The following TMEM132B variants were observed in gnomAD, a reference collection of about 807,000 sequenced individuals.
TMEM132B encodes transmembrane protein 132B.
In TMEM132B, 18 loss-of-function variants were observed where a neutral mutation model predicts 90.8. That is an observed-to-expected ratio of 0.20 (90% confidence interval 0.14 to 0.29). The LOEUF is 0.29. Ranked by LOEUF, TMEM132B falls within the 10% of genes least tolerant of loss-of-function variation. The probability of loss-of-function intolerance (pLI) is 1.00; values close to 1 mark genes in which losing one functional copy is unlikely to be tolerated. For synonymous variants in TMEM132B, 504 were observed against 523.3 expected (o/e 0.96, Z 0.50); for missense variants, 1,096 against 1,326.8 (o/e 0.83, Z 2.70).
chr12:125,446,285 G>T (rs968081140), intron 3 of TMEM132B, among the ~76,000 whole-genome samples: 11 of 152,186 alleles, frequency 7.2e-5, no homozygotes, highest in African/African-American at 2.7e-4. Context: ...GGTGCTCAAT[G>T]AATGCTAGTT....
At position 125,487,588 on chromosome 12, in the gene TMEM132B, A is replaced by T. The variant is rs548108264; in HGVS notation, c.1107-31851A>T. ...GAAGTTTCCATGGAAACCCTGGAAG[A>T]TCTCACAAGATGTTTTCAAAGGCCA... is the stretch of plus-strand genomic sequence containing the variant. On this transcript the variant is annotated intron_variant, in intron 3 of 8. Transcript: ENST00000682704. 2.0e-5 allele frequency among the ~76,000 whole-genome samples: 3 copies of T among 152,292 alleles called. No individual in the cohort carries two copies. In the South Asian group the frequency reaches 6.2e-4, roughly 32 times the overall value.
At chr12:125,515,481 TCACA>T (rs757426558) in intron 3 of TMEM132B, among the ~76,000 whole-genome samples, 1 of 81,462 alleles carries the variant, frequency 1.2e-5, no homozygotes, top group African/African-American at 1.8e-4. Context: ...TCACACATTG[TCACA>T]CTCACACACA....
At chr12:125,502,654 T>G (rs1882731023) in intron 3 of TMEM132B, among the ~76,000 whole-genome samples, 1 of 152,376 alleles carries the variant, frequency 6.6e-6, no homozygotes, top group African/African-American at 2.4e-5. Flanking sequence ...AATTCATGAT[T>G]GAATAGTTGC....
rs771264018 is a variant in TMEM132B, at chr12:125,652,536, A to G, written c.2010A>G (p.Val670=). 3 of 1,613,864 alleles carry G rather than the reference A, an allele frequency of 1.9e-6. No individual in the cohort carries two copies. Among genetic ancestry groups the G allele is most frequent in the Non-Finnish European group, 2.5e-6 (3 of 1,179,820 alleles). Residue 670 remains valine (V), a synonymous_variant, in exon 8 of 9, where the codon GTA becomes GTG. Coordinates refer to ENST00000682704, the MANE Select transcript of TMEM132B (RefSeq NM_001366854.1). ...VTIAELGVQL[V]AGMSLSLQPH... is the part of the protein sequence containing the mutation. ...TCGCGGAGCTGGGAGTGCAGCTCGT[A>G]GCTGGCATGTCTCTCTCCCTGCAGC...
At chr12:125,384,155 C>T (rs1253781779) in intron 2 of TMEM132B, among the ~76,000 whole-genome samples, 3 of 152,084 alleles carry the variant, frequency 2.0e-5, no homozygotes, top group Admixed American at 1.3e-4. Flanking sequence ...CCATGTTGGT[C>T]AGGCTGGTCT....
intron 4 of TMEM132B, among the ~76,000 whole-genome samples, chr12:125,562,358 A>G (rs568701059): frequency 6.6e-6 from 1 of 152,246 alleles, no homozygotes; most frequent in African/African-American, 2.4e-5. Context: ...GGGATTAAGG[A>G]TGTTTTGTTT....
chr12:125,303,676 C>T (rs1875887995), intron 1 of TMEM132B, among the ~76,000 whole-genome samples: 1 of 152,170 alleles, frequency 6.6e-6, no homozygotes, highest in Non-Finnish European at 1.5e-5. Context: ...TTGTAGCTAT[C>T]CTAGTGAGTG....
intron 1 of TMEM132B, among the ~76,000 whole-genome samples, chr12:125,242,133 C>T (rs894410689): frequency 6.6e-6 from 1 of 152,146 alleles, no homozygotes; most frequent in Non-Finnish European, 1.5e-5. Context: ...TCTCCATGAA[C>T]CCAGTCCTAG....
At chr12:125,575,323 C>T (rs1017222788) in intron 4 of TMEM132B, among the ~76,000 whole-genome samples, 48 of 151,468 alleles carry the variant, frequency 3.2e-4, no homozygotes, top group South Asian at 4.2e-4. Context: ...AGTTGAGCAT[C>T]TTTTCATGTG....
chr12:125,196,456 C>T (rs932444764), intron 1 of TMEM132B, among the ~76,000 whole-genome samples: 1 of 152,182 alleles, frequency 6.6e-6, no homozygotes, highest in Non-Finnish European at 1.5e-5. Context: ...GCCTGTAATC[C>T]CAGCACTTTG....
chr12:125,401,660 T>C (rs1456089620), intron 2 of TMEM132B, among the ~76,000 whole-genome samples: 1 of 152,164 alleles, frequency 6.6e-6, no homozygotes, highest in African/African-American at 2.4e-5. Flanking sequence ...CATACAATAT[T>C]AGCATATTTT....
chr12:125,382,788 C>G (rs188410423), intron 2 of TMEM132B, among the ~76,000 whole-genome samples: 2 of 152,140 alleles, frequency 1.3e-5, no homozygotes, highest in Non-Finnish European at 2.9e-5. Flanking sequence ...TATTCCAGAT[C>G]GGGCTAACTT....
intron 3 of TMEM132B, among the ~76,000 whole-genome samples, chr12:125,470,735 C>T (rs1881692711): frequency 6.6e-6 from 1 of 152,200 alleles, no homozygotes; most frequent in Non-Finnish European, 1.5e-5. Flanking sequence ...CCAGGGGTCA[C>T]TCCTGGGGGG....
In TMEM132B at chr12:125,662,044, A is replaced by ACAGCC. The variant is rs1455366913; in HGVS notation, c.*7340_*7344dup. 2 of 152,266 alleles carry ACAGCC rather than the reference A, an allele frequency of 1.3e-5. No homozygotes were observed. Among genetic ancestry groups the ACAGCC allele is most frequent in the Non-Finnish European group, 2.9e-5 (2 of 68,074 alleles). 9.4% of individuals were successfully genotyped at this position (152,266 alleles called of 1,614,324 possible). On this transcript the variant is annotated 3_prime_UTR_variant, in exon 9 of 9. Coordinates refer to ENST00000682704, the MANE Select transcript of TMEM132B (RefSeq NM_001366854.1). ...GAACATAGTGAGTGGCCAAACCTAC[A>ACAGCC]CAGCCCAGCCAGTAGTGTGCTTTGG...
intron 1 of TMEM132B, among the ~76,000 whole-genome samples, chr12:125,273,174 C>G (rs888426877): frequency 2.0e-5 from 3 of 151,804 alleles, no homozygotes; most frequent in Non-Finnish European, 4.4e-5. Flanking sequence ...CTATTTATCT[C>G]TCTCTATATA....
At chr12:125,493,032 A>G (rs1882397410) in intron 3 of TMEM132B, among the ~76,000 whole-genome samples, 1 of 152,166 alleles carries the variant, frequency 6.6e-6, no homozygotes, top group Admixed American at 6.5e-5. Context: ...CCACCCCTGC[A>G]GGTGGCACGT....
intron 3 of TMEM132B, among the ~76,000 whole-genome samples, chr12:125,475,377 A>G (rs1184031871): frequency 6.6e-6 from 1 of 152,132 alleles, no homozygotes; most frequent in African/African-American, 2.4e-5. Flanking sequence ...GTTAATACTG[A>G]GTGTCAACTT....
At chr12:125,329,164 C>T (rs1428328294) in intron 1 of TMEM132B, among the ~76,000 whole-genome samples, 5 of 152,200 alleles carry the variant, frequency 3.3e-5, no homozygotes, top group Admixed American at 3.3e-4. Context: ...AGTACCAGCG[C>T]TTCCTCCCTC....
intron 1 of TMEM132B, among the ~76,000 whole-genome samples, chr12:125,308,699 T>G (rs953395564): frequency 4.6e-5 from 7 of 152,112 alleles, no homozygotes; most frequent in African/African-American, 1.7e-4. Context: ...AATATCAGTG[T>G]ATTCCACACC....
Sources: allele counts gnomAD v4.1 joint callset (sites outside exome capture counted in the v4.1 genomes callset), GRCh38; gene constraint gnomAD v4.1.1; transcripts MANE v1.5; gene names NCBI Gene and HGNC (gene_info 2026-07-23, HGNC 2026-07-21).